FRMD3: variants seen among roughly 807,000 people sequenced by gnomAD.
FRMD3 encodes FERM domain containing 3.
Under a neutral mutation model 70.2 loss-of-function variants are expected in FRMD3, and 33 were observed. The ratio of observed to expected loss-of-function variants is 0.47; its 90% CI spans 0.36 to 0.63. The LOEUF (loss-of-function observed/expected upper bound fraction) is 0.63. FRMD3 is among the 20% of genes least tolerant of loss of function. FRMD3 has a pLI of 0.00. For missense variants in FRMD3, 632 were observed against 711.4 expected (o/e 0.89, Z 1.27); for synonymous variants, 279 against 255.9 (o/e 1.09, Z -0.86).
rs538650703 is a variant in FRMD3 at position 83,323,378 on chromosome 9, T to C, written c.597-9631A>G. Among the ~76,000 whole-genome samples, 4 of 152,302 alleles carry C rather than the reference T, an allele frequency of 2.6e-5. No homozygotes were observed. The East Asian group carries it at 7.7e-4, about 29-fold the overall frequency. ...ATGAGATGAATGAATATCACAAAAATAACATTGAACAAAAGAAGCCAAATG... is the reference window on the plus strand; with the variant it reads ...ATGAGATGAATGAATATCACAAAAACAACATTGAACAAAAGAAGCCAAATG... On this transcript the variant is annotated intron_variant, in intron 6 of 13. Transcript: ENST00000304195.
intron 1 of FRMD3, among the ~76,000 whole-genome samples, chr9:83,402,692 G>A (rs1457765616): frequency 6.6e-6 from 1 of 152,000 alleles, no homozygotes; most frequent in Non-Finnish European, 1.5e-5. Flanking sequence ...AGCCTCAGCA[G>A]GGCTCAGACA....
At chr9:83,538,428 G>T, upstream of FRMD3, 1 of 390,994 alleles carries the variant, frequency 2.6e-6, no homozygotes, top group Non-Finnish European at 4.4e-6. The surrounding 1 kb of genome is among the most constrained non-coding windows in gnomAD (Gnocchi z 4.7). Context: ...CTGTTCGCTC[G>T]CCTCCGCCTC....
chr9:83,551,764 A>T, the FRMD3 span, among the ~76,000 whole-genome samples: 1 of 152,056 alleles, frequency 6.6e-6, no homozygotes, highest in Non-Finnish European at 1.5e-5. Context: ...GTGTGCATAG[A>T]GGTGTTTATA....
chr9:83,354,251 C>A (rs929126199), intron 3 of FRMD3, among the ~76,000 whole-genome samples: 4 of 150,066 alleles, frequency 2.7e-5, no homozygotes, highest in African/African-American at 1.0e-4. Context: ...TGGAATCAAC[C>A]TAAGTGCCCA....
intron 1 of FRMD3, among the ~76,000 whole-genome samples, chr9:83,402,306 T>C (rs1166330247): frequency 6.7e-6 from 1 of 148,560 alleles, no homozygotes; most frequent in Non-Finnish European, 1.5e-5. Context: ...TACCCTGAAC[T>C]CAACAGTCAA....
intron 6 of FRMD3, among the ~76,000 whole-genome samples, chr9:83,333,798 C>T (rs1010010010): frequency 2.6e-5 from 4 of 152,088 alleles, no homozygotes; most frequent in Admixed American, 6.5e-5. Context: ...GCCAGGTAAC[C>T]CAAGGTTCAA....
In FRMD3 at chr9:83,357,276, T is replaced by C. The variant is rs191548811; in HGVS notation, c.296-7519A>G. ...ATATATATATATATATATATATATA[T>C]ATATATATATATATATATATAAAAC... is the stretch of plus-strand genomic sequence containing the variant. On this transcript the variant is annotated intron_variant, in intron 3 of 13. Transcript: ENST00000304195. Among the ~76,000 whole-genome samples, 24 of 59,242 alleles carry C rather than the reference T, an allele frequency of 4.1e-4. 1 individual carries two copies. Among genetic ancestry groups the C allele is most frequent in the African/African-American group, 1.7e-3 (22 of 13,070 alleles). 38.9% of individuals were successfully genotyped at this position (59,242 alleles called of 152,430 possible). A position where few individuals can be genotyped will look rare whatever the true frequency, so the allele number is the denominator to read the frequency against.
At chr9:83,319,138 T>A (rs1835700230) in intron 6 of FRMD3, among the ~76,000 whole-genome samples, 1 of 152,208 alleles carries the variant, frequency 6.6e-6, no homozygotes, top group East Asian at 1.9e-4. Context: ...GTGCAGAAGC[T>A]TTTTAGTTTA....
At chr9:83,289,147 A>T (rs1834322971) in intron 13 of FRMD3, among the ~76,000 whole-genome samples, 1 of 152,228 alleles carries the variant, frequency 6.6e-6, no homozygotes, top group African/African-American at 2.4e-5. Context: ...AAACTCAGAA[A>T]ACCCTTAGTG....
chr9:83,473,767 A>G (rs1246871058), intron 1 of FRMD3, among the ~76,000 whole-genome samples: 1 of 152,224 alleles, frequency 6.6e-6, no homozygotes, highest in Non-Finnish European at 1.5e-5. Context: ...TTCCAAAGAC[A>G]TGGGTCTCCT....
intron 1 of FRMD3, among the ~76,000 whole-genome samples, chr9:83,444,951 T>A (rs1251036259): frequency 3.9e-5 from 6 of 152,246 alleles, no homozygotes; most frequent in Non-Finnish European, 5.9e-5. Flanking sequence ...TACCTGTGGT[T>A]GGCTCTTTCC....
At chr9:83,456,569 C>T (rs1474000363) in intron 1 of FRMD3, among the ~76,000 whole-genome samples, 1 of 152,190 alleles carries the variant, frequency 6.6e-6, no homozygotes, top group African/African-American at 2.4e-5. Context: ...CAATGTAATG[C>T]ACCATGTATT....
the FRMD3 span, among the ~76,000 whole-genome samples, chr9:83,579,120 T>G: frequency 2.0e-5 from 3 of 151,794 alleles, no homozygotes; most frequent in African/African-American, 7.2e-5. Flanking sequence ...ATGAAAGACC[T>G]CTGTACTGGA....
At chr9:83,281,217 T>A (rs1833963214) in intron 13 of FRMD3, among the ~76,000 whole-genome samples, 1 of 152,152 alleles carries the variant, frequency 6.6e-6, no homozygotes, top group South Asian at 2.1e-4. Flanking sequence ...TGCAAGAAAA[T>A]AGAACCCCAT....
chr9:83,581,726 G>A, the FRMD3 span, among the ~76,000 whole-genome samples: 46 of 152,222 alleles, frequency 3.0e-4, no homozygotes, highest in Middle Eastern at 3.4e-3. Context: ...GTTCGTCAGC[G>A]GATTAATGAA....
At chr9:83,522,567 T>TAA (rs1829597484) in intron 1 of FRMD3, among the ~76,000 whole-genome samples, 3 of 14,212 alleles carry the variant, frequency 2.1e-4, no homozygotes, top group African/African-American at 6.5e-4. Context: ...ATATATATAA[T>TAA]TTTTTTTTTT....
At chr9:83,556,702 AAAT>A in the FRMD3 span, among the ~76,000 whole-genome samples, 2 of 152,046 alleles carry the variant, frequency 1.3e-5, no homozygotes, top group South Asian at 4.1e-4. Context: ...GTATTTCTAA[AAAT>A]AATAATAATA....
chr9:83,268,529 T>C (rs944691381), intron 13 of FRMD3, among the ~76,000 whole-genome samples: 4 of 152,206 alleles, frequency 2.6e-5, no homozygotes, highest in Admixed American at 2.6e-4. Context: ...GTTAAATACA[T>C]GTGATGAAAT....
At chr9:83,403,601 A>G (rs991220769) in intron 1 of FRMD3, among the ~76,000 whole-genome samples, 1 of 152,164 alleles carries the variant, frequency 6.6e-6, no homozygotes, top group African/African-American at 2.4e-5. Context: ...ATTGGTATAC[A>G]TGTGGCTCGA....
Sources: allele counts gnomAD v4.1 joint callset (sites outside exome capture counted in the v4.1 genomes callset), GRCh38; gene constraint gnomAD v4.1.1; non-coding constraint Gnocchi (gnomAD v3.1); transcripts MANE v1.5; gene names NCBI Gene and HGNC (gene_info 2026-07-23, HGNC 2026-07-21).